Variants in ZC3H12B observed in about 807,000 individuals in gnomAD.
ZC3H12B encodes zinc finger CCCH-type containing 12B.
In ZC3H12B, 7 loss-of-function variants were observed where a neutral mutation model predicts 43.9. The observed-to-expected ratio is 0.16, with a 90% CI of 0.09 to 0.30. ZC3H12B has a LOEUF of 0.30. ZC3H12B is among the 10% of genes least tolerant of loss of function. ZC3H12B has a pLI of 1.00. For synonymous variants in ZC3H12B, 222 were observed against 241.7 expected, an observed-to-expected ratio of 0.92 and a Z score of 0.76; for missense variants, 475 against 670.2, an observed-to-expected ratio of 0.71 and a Z score of 3.22.
At chrX:65,066,527 G>T in the ZC3H12B span, among the ~76,000 whole-genome samples, 1 of 111,289 alleles carries the variant, frequency 9.0e-6, no homozygotes, top group Non-Finnish European at 1.9e-5. Context: ...CCTCCCAGAG[G>T]TGCACCCACC....
chrX:65,261,494 T>C, the ZC3H12B span, among the ~76,000 whole-genome samples: 1 of 111,248 alleles, frequency 9.0e-6, no homozygotes, highest in Admixed American at 9.6e-5. Flanking sequence ...CTTTCAGTGA[T>C]CTCTCTTAAT....
chrX:65,366,912 G>GAA (rs2066181568), intron 1 of ZC3H12B, 146 bp downstream of exon 3: 1 of 112,524 alleles, frequency 8.9e-6, no homozygotes, highest in African/African-American at 3.2e-5. Context: ...TCAGTGATGA[G>GAA]TACATAATGA....
At chrX:65,358,078 C>T in the ZC3H12B span, among the ~76,000 whole-genome samples, 1 of 107,704 alleles carries the variant, frequency 9.3e-6, no homozygotes, top group African/African-American at 3.4e-5. Flanking sequence ...ATTAAACCAA[C>T]AAAGATCAAA....
chrX:65,182,513 C>A, the ZC3H12B span, among the ~76,000 whole-genome samples: 1 of 110,737 alleles, frequency 9.0e-6, no homozygotes, highest in South Asian at 3.8e-4. Context: ...GTACATAGGC[C>A]ATGGCAAAGA....
chrX:65,292,626 GT>G, the ZC3H12B span, among the ~76,000 whole-genome samples: 1,553 of 102,521 alleles, frequency 0.015, 28 homozygotes, highest in African/African-American at 0.044. Context: ...TAAAATAGAA[GT>G]TTTTTTTTTT....
the ZC3H12B span, among the ~76,000 whole-genome samples, chrX:65,119,608 C>A: frequency 8.9e-6 from 1 of 111,765 alleles, no homozygotes; most frequent in African/African-American, 3.3e-5. Context: ...CCTGCTCACC[C>A]TGATGATAGT....
chrX:65,091,890 G>T, the ZC3H12B span, among the ~76,000 whole-genome samples: 1 of 112,190 alleles, frequency 8.9e-6, no homozygotes, highest in Non-Finnish European at 1.9e-5. Flanking sequence ...GGGTGATATG[G>T]TTTGGATCTG....
At chrX:65,090,479 T>C in the ZC3H12B span, among the ~76,000 whole-genome samples, 3 of 112,374 alleles carry the variant, frequency 2.7e-5, no homozygotes, top group Admixed American at 1.9e-4. Context: ...TGTTTTTAAA[T>C]AATCTGCTGT....
chrX:65,190,936 TG>T, the ZC3H12B span, among the ~76,000 whole-genome samples: 1 of 100,750 alleles, frequency 9.9e-6, no homozygotes, highest in Non-Finnish European at 2.0e-5. Flanking sequence ...GCTGTGGGTT[TG>T]TCATAGATAG....
chrX:65,444,353 G>C (rs7054065), intron 3 of ZC3H12B, among the ~76,000 whole-genome samples: 16,066 of 111,610 alleles, frequency 0.14, 2,737 homozygotes, highest in African/African-American at 0.49. Context: ...CCTGGTGGGA[G>C]GTTATCGAAT....
At chrX:65,228,405 T>A in the ZC3H12B span, among the ~76,000 whole-genome samples, 4 of 111,462 alleles carry the variant, frequency 3.6e-5, no homozygotes, top group African/African-American at 1.3e-4. Context: ...GAGCTATCTA[T>A]GAAAAACCCA....
At chrX:65,260,636 CTG>C in the ZC3H12B span, among the ~76,000 whole-genome samples, 1 of 111,950 alleles carries the variant, frequency 8.9e-6, no homozygotes, top group Non-Finnish European at 1.9e-5. Flanking sequence ...TGCTCATACA[CTG>C]TTTGTGGAAA....
the ZC3H12B span, among the ~76,000 whole-genome samples, chrX:65,176,830 A>G: frequency 9.0e-6 from 1 of 111,731 alleles, no homozygotes; most frequent in Admixed American, 9.5e-5. Context: ...ACGGATTCAC[A>G]GTCAAATTCT....
chrX:65,385,959 G>T (rs6624148), intron 2 of ZC3H12B, among the ~76,000 whole-genome samples: 8 of 112,066 alleles, frequency 7.1e-5, no homozygotes, highest in African/African-American at 2.6e-4. Context: ...ATTGATTTGC[G>T]TATGTTGAAC....
chrX:65,431,465 T>C (rs1034338729), intron 3 of ZC3H12B, among the ~76,000 whole-genome samples: 12 of 112,638 alleles, frequency 1.1e-4, no homozygotes, highest in Non-Finnish European at 2.3e-4. Flanking sequence ...TTGCAGTTCA[T>C]GTTGCTCACC....
At chrX:65,105,490 C>T in the ZC3H12B span, among the ~76,000 whole-genome samples, 2 of 111,064 alleles carry the variant, frequency 1.8e-5, no homozygotes, top group African/African-American at 6.5e-5. Flanking sequence ...ATAGAGTGCC[C>T]AGGGAAGGAA....
chrX:65,189,309 C>T, the ZC3H12B span, among the ~76,000 whole-genome samples: 3 of 89,905 alleles, frequency 3.3e-5, no homozygotes, highest in East Asian at 1.1e-3. Flanking sequence ...TGGGTATATA[C>T]CCAGTAATGG....
At chrX:65,163,750 C>T in the ZC3H12B span, among the ~76,000 whole-genome samples, 1 of 111,727 alleles carries the variant, frequency 9.0e-6, no homozygotes, top group African/African-American at 3.3e-5. Flanking sequence ...CGCCCTGCTT[C>T]AGCTCACGCA....
the ZC3H12B span, among the ~76,000 whole-genome samples, chrX:65,120,693 G>A: frequency 9.0e-6 from 1 of 111,449 alleles, no homozygotes; most frequent in Admixed American, 9.5e-5. Context: ...ATGTTGAATA[G>A]GAGTGGTGAC....
Sources: gnomAD v4.1 joint callset for allele counts (sites outside exome capture counted in the v4.1 genomes callset) on GRCh38, gnomAD v4.1.1 for gene constraint, MANE v1.5 for transcripts, NCBI Gene and HGNC (gene_info 2026-07-23, HGNC 2026-07-21) for gene names.